The following CCDC167 variants were observed in gnomAD, a reference collection of about 807,000 sequenced individuals.
CCDC167 encodes the protein coiled-coil domain-containing protein 167.
Under a neutral mutation model 12.7 loss-of-function variants are expected in CCDC167, and 15 were observed. The ratio of observed to expected loss-of-function variants is 1.18; its 90% CI spans 0.79 to 1.81. The LOEUF (loss-of-function observed/expected upper bound fraction) is 1.81, where lower values mean the gene tolerates loss of function less well. Ranked by LOEUF, CCDC167 falls within the 40% of genes most tolerant of loss-of-function variation. The probability of loss-of-function intolerance (pLI) is 0.00; values close to 1 mark genes in which losing one functional copy is unlikely to be tolerated. For synonymous variants in CCDC167, 52 were observed against 49.0 expected, an observed-to-expected ratio of 1.06 and a Z score of -0.26; for missense variants, 121 against 120.1, an observed-to-expected ratio of 1.01 and a Z score of -0.03.
intron 1 of CCDC167, among the ~76,000 whole-genome samples, chr6:37,489,219 G>C (rs1761983686): frequency 6.7e-6 from 1 of 149,688 alleles, no homozygotes; most frequent in African/African-American, 2.5e-5. Flanking sequence ...CTGGGTGACA[G>C]AGCGAGACTC....
At chr6:37,493,691 T>A (rs1049210021) in intron 1 of CCDC167, among the ~76,000 whole-genome samples, 37 of 152,224 alleles carry the variant, frequency 2.4e-4, no homozygotes, top group African/African-American at 8.9e-4. Context: ...CCCAGCAAGG[T>A]GGCGTCTAAC....
intron 3 of CCDC167, among the ~76,000 whole-genome samples, chr6:37,483,705 C>G (rs905343908): frequency 1.3e-5 from 2 of 152,186 alleles, no homozygotes; most frequent in African/African-American, 4.8e-5. Flanking sequence ...GCACCTGGGG[C>G]CTCCTTGGGC....
At chr6:37,489,229 C>CT (rs1217024575) in intron 1 of CCDC167, among the ~76,000 whole-genome samples, 1 of 138,202 alleles carries the variant, frequency 7.2e-6, no homozygotes, top group Non-Finnish European at 1.6e-5. Context: ...GAGCGAGACT[C>CT]TATCTCAAAA....
rs527622164 is a variant in CCDC167, at chr6:37,496,259, C to T, written c.42+3563G>A. On this transcript the variant is annotated intron_variant, in intron 1 of 3. Transcript: ENST00000373408. ...GACCAGCTGGCCAACATGGTGAAAC[C>T]CCGTCTCTACTAAAAATACAAAACT... is the stretch of plus-strand genomic sequence containing the variant. Among the ~76,000 whole-genome samples, 3 of 151,936 alleles carry T rather than the reference C, an allele frequency of 2.0e-5. No homozygotes were observed. In the South Asian group the frequency reaches 6.2e-4, roughly 32 times the overall value.
rs562073471 is a variant in CCDC167 at position 37,499,610 on chromosome 6, G to A, written c.42+212C>T. On this transcript the variant is annotated intron_variant, in intron 1 of 3. Transcript: ENST00000373408. The stretch of plus-strand genomic sequence containing the variant: ...CCTCTCTGGAGATGCCCTCTCCAGA[G>A]AGTCTGGTTCGCCCATCCGGCACCT... 2.6e-5 allele frequency among the ~76,000 whole-genome samples: 4 copies of A among 152,186 alleles called. No homozygotes were observed. The East Asian group carries it at 7.7e-4, about 29-fold the overall frequency.
chr6:37,497,362 ATATATTGTT>A (rs1246062668), intron 1 of CCDC167, among the ~76,000 whole-genome samples: 4 of 152,220 alleles, frequency 2.6e-5, no homozygotes, highest in Admixed American at 2.6e-4. Flanking sequence ...CTTATTCAAT[ATATATTGTT>A]GATTCATTAA....
At chr6:37,486,223 C>T (rs561936960) in intron 1 of CCDC167, among the ~76,000 whole-genome samples, 2 of 152,334 alleles carry the variant, frequency 1.3e-5, no homozygotes, top group African/African-American at 4.8e-5. Flanking sequence ...AATAAGACCT[C>T]CATTTCACGA....
intron 1 of CCDC167, among the ~76,000 whole-genome samples, chr6:37,492,886 C>G (rs2113908409): frequency 6.6e-6 from 1 of 152,288 alleles, no homozygotes; most frequent in Middle Eastern, 3.4e-3. Flanking sequence ...CTCAATTTTC[C>G]AGGTGACAAG....
chr6:37,497,050 TA>T (rs1405092778), intron 1 of CCDC167, among the ~76,000 whole-genome samples: 3 of 152,234 alleles, frequency 2.0e-5, no homozygotes, highest in Non-Finnish European at 4.4e-5. Context: ...AGAACCACCA[TA>T]GACCTGGTAC....
At chr6:37,498,285 T>G (rs1034201970) in intron 1 of CCDC167, among the ~76,000 whole-genome samples, 10 of 152,280 alleles carry the variant, frequency 6.6e-5, no homozygotes, top group African/African-American at 2.4e-4. Flanking sequence ...AAACTCACTT[T>G]CTTGTTCTTG....
chr6:37,483,765 G>A (rs371769333), intron 3 of CCDC167, among the ~76,000 whole-genome samples: 83 of 152,332 alleles, frequency 5.4e-4, no homozygotes, highest in African/African-American at 1.9e-3. Flanking sequence ...CTGAGTCCCT[G>A]CCCTCTGCCG....
intron 1 of CCDC167, among the ~76,000 whole-genome samples, chr6:37,492,665 G>A (rs1375852816): frequency 6.6e-6 from 1 of 152,228 alleles, no homozygotes; most frequent in African/African-American, 2.4e-5. Flanking sequence ...ACAGCCTGGA[G>A]AGTGGTGTCA....
intron 1 of CCDC167, among the ~76,000 whole-genome samples, chr6:37,493,199 C>T (rs976699723): frequency 2.0e-5 from 3 of 152,236 alleles, no homozygotes; most frequent in Non-Finnish European, 2.9e-5. Context: ...AGTCCCGACG[C>T]CTTCCCGCGA....
At chr6:37,483,645 C>CTG (rs1056687247) in intron 3 of CCDC167, among the ~76,000 whole-genome samples, 13 of 152,150 alleles carry the variant, frequency 8.5e-5, no homozygotes, top group African/African-American at 3.1e-4. Flanking sequence ...ATGGGGTTGG[C>CTG]TGTGGTGCTC....
chr6:37,487,986 T>A (rs1239410894), intron 1 of CCDC167, among the ~76,000 whole-genome samples: 1 of 152,250 alleles, frequency 6.6e-6, no homozygotes, highest in Non-Finnish European at 1.5e-5. Context: ...AATAGCAAGT[T>A]CCCCTTCTTT....
At chr6:37,497,519 T>C (rs1434543872) in intron 1 of CCDC167, among the ~76,000 whole-genome samples, 1 of 127,872 alleles carries the variant, frequency 7.8e-6, no homozygotes, top group African/African-American at 3.3e-5. Context: ...CAGACAGCAC[T>C]TCAGCCCTAT....
intron 1 of CCDC167, among the ~76,000 whole-genome samples, chr6:37,491,094 G>A (rs984567911): frequency 6.6e-6 from 1 of 152,054 alleles, no homozygotes; most frequent in Non-Finnish European, 1.5e-5. Flanking sequence ...AGAGCCCCAC[G>A]GAGGCCTCAC....
chr6:37,486,311 A>T (rs1018460194), intron 1 of CCDC167, among the ~76,000 whole-genome samples: 22 of 152,198 alleles, frequency 1.4e-4, no homozygotes, highest in African/African-American at 5.1e-4. Context: ...TATCAGTCTC[A>T]GCCAGTTCTC....
intron 1 of CCDC167, among the ~76,000 whole-genome samples, chr6:37,493,302 G>A (rs1056130527): frequency 6.6e-6 from 1 of 152,184 alleles, no homozygotes; most frequent in Non-Finnish European, 1.5e-5. Context: ...GGTGGTGTGG[G>A]GTTTGTTTTG....
Sources: allele counts gnomAD v4.1 joint callset (sites outside exome capture counted in the v4.1 genomes callset), GRCh38; gene constraint gnomAD v4.1.1; transcripts MANE v1.5; gene names NCBI Gene and HGNC (gene_info 2026-07-23, HGNC 2026-07-21).